The following PRRX2 variants were observed in gnomAD, a reference collection of about 807,000 sequenced individuals.
The protein encoded by PRRX2 is paired related homeobox 2.
Under a neutral mutation model 18.0 loss-of-function variants are expected in PRRX2, and 11 were observed. The observed-to-expected ratio is 0.61, with a 90% CI of 0.39 to 1.01. PRRX2 has a LOEUF of 1.01. Among genes scored for constraint, PRRX2 ranks in the 50% least tolerant of loss-of-function variants. PRRX2 has a pLI of 0.01. For missense variants in PRRX2, 387 were observed against 351.0 expected (o/e 1.10, Z -0.82); for synonymous variants, 177 against 154.8 (o/e 1.14, Z -1.06).
At chr9:129,701,747 T>A (rs145033554) in intron 1 of PRRX2, among the ~76,000 whole-genome samples, 1 of 152,248 alleles carries the variant, frequency 6.6e-6, no homozygotes, top group African/African-American at 2.4e-5. Context: ...ACAAAAAGTA[T>A]GCAAAGAATT....
intron 1 of PRRX2, among the ~76,000 whole-genome samples, chr9:129,676,143 C>T (rs574465158): frequency 2.3e-4 from 35 of 152,288 alleles, no homozygotes; most frequent in African/African-American, 8.2e-4. Flanking sequence ...TCTGTCCTTC[C>T]TCCTGCTCAG....
At chr9:129,689,407 A>C (rs186371364) in intron 1 of PRRX2, among the ~76,000 whole-genome samples, 25 of 152,084 alleles carry the variant, frequency 1.6e-4, no homozygotes, top group Non-Finnish European at 3.4e-4. Context: ...GCTCCACGCG[A>C]GTTAGTGGCA....
chr9:129,715,276 G>A lies in PRRX2; in HGVS notation c.260-3955G>A, dbSNP rs572304501. Among the ~76,000 whole-genome samples the A allele has an allele frequency of 1.2e-4, 18 of 152,252 alleles. No individual in the cohort carries two copies. Among genetic ancestry groups the A allele is most frequent in the African/African-American group, 3.4e-4 (14 of 41,544 alleles). ...ATTTTGGACAAGATAATTCATTGAC[G>A]TGGGGGCCTGTCCTGTGTCTTGAAA... On this transcript the variant is annotated intron_variant, in intron 1 of 3. Transcript: ENST00000372469. The surrounding 1 kb of genome is among the most constrained non-coding windows in gnomAD (Gnocchi z 4.0).
chr9:129,707,555 G>T (rs1175431926), intron 1 of PRRX2, among the ~76,000 whole-genome samples: 1 of 152,000 alleles, frequency 6.6e-6, no homozygotes, highest in Non-Finnish European at 1.5e-5. Context: ...GGAGGCCAAG[G>T]CTGGTCTGGT....
chr9:129,699,757 G>A (rs766325914), intron 1 of PRRX2, among the ~76,000 whole-genome samples: 3 of 152,176 alleles, frequency 2.0e-5, no homozygotes, highest in Non-Finnish European at 4.4e-5. Context: ...AAGCATCCAC[G>A]AAGGATGAAT....
rs186875546 is a variant in PRRX2, at chr9:129,681,181, G to T, written c.259+15055G>T. Among the ~76,000 whole-genome samples, 14 of 152,300 alleles carry T rather than the reference G, an allele frequency of 9.2e-5. 1 individual carries two copies. The East Asian group carries it at 2.7e-3, about 29-fold the overall frequency. ...CCTGGGAGAGCTGGTTTCAGTGCTG[G>T]CTCCTTTTCTGCCTAGGACACTGAG... On this transcript the variant is annotated intron_variant, in intron 1 of 3. Transcript: ENST00000372469.
At chr9:129,668,171 C>T (rs1434431906) in intron 1 of PRRX2, among the ~76,000 whole-genome samples, 2 of 152,172 alleles carry the variant, frequency 1.3e-5, no homozygotes, top group Non-Finnish European at 2.9e-5. Flanking sequence ...GCAGGGCAGG[C>T]GCCAGTTTCC....
At chr9:129,668,285 T>A (rs917427186) in intron 1 of PRRX2, among the ~76,000 whole-genome samples, 1 of 152,142 alleles carries the variant, frequency 6.6e-6, no homozygotes, top group Non-Finnish European at 1.5e-5. Context: ...TCTTTCCCCA[T>A]CATCGACCCT....
chr9:129,690,310 T>C (rs1380036987), intron 1 of PRRX2, among the ~76,000 whole-genome samples: 1 of 152,080 alleles, frequency 6.6e-6, no homozygotes, highest in Non-Finnish European at 1.5e-5. Context: ...ACAACTCACT[T>C]TAGAAAGGCC....
Position 129,719,127 on chromosome 9 carries a change from C to T in PRRX2, c.260-104C>T. ...GTGAATTAAAGGGACGCATTCCTGG[C>T]GGCGGCACTAAAGCACTCAGAGCAA... On this transcript the variant is annotated intron_variant, in intron 1 of 3. Transcript: ENST00000372469. 10 of 1,113,492 alleles carry T rather than the reference C, an allele frequency of 9.0e-6. No homozygotes were observed. In the South Asian group the frequency reaches 1.0e-4, roughly 12 times the overall value. The allele number at this position is 1,113,492 out of a possible 1,614,324, so 69.0% of individuals were successfully genotyped here. A position where few individuals can be genotyped will look rare whatever the true frequency, so the allele number is the denominator to read the frequency against.
intron 1 of PRRX2, among the ~76,000 whole-genome samples, chr9:129,707,878 C>T (rs1313657055): frequency 6.6e-6 from 1 of 152,084 alleles, no homozygotes; most frequent in Non-Finnish European, 1.5e-5. Context: ...TGCGTCTGTA[C>T]CTAAGAGTGG....
At chr9:129,687,188 G>C (rs562904374) in intron 1 of PRRX2, among the ~76,000 whole-genome samples, 1 of 152,190 alleles carries the variant, frequency 6.6e-6, no homozygotes, top group Admixed American at 6.5e-5. Context: ...AGGAGTTCAA[G>C]ACCAGCTTAG....
chr9:129,720,502 C>T, intron 2 of PRRX2, 94 bp from the exon 3 acceptor site: 1 of 1,264,726 alleles, frequency 7.9e-7, no homozygotes, highest in Non-Finnish European at 1.1e-6. Flanking sequence ...CGCTGCCAGC[C>T]CTGGGCTGGT....
At chr9:129,717,700 AAAAAAAAAAAAAAAG>A (rs1832728793) in intron 1 of PRRX2, among the ~76,000 whole-genome samples, 2 of 135,684 alleles carry the variant, frequency 1.5e-5, no homozygotes, top group African/African-American at 3.5e-5. Flanking sequence ...CGCCTCAAAA[AAAAAAAAAAAAAAAG>A]AAAAAGAAAA....
chr9:129,700,491 G>T (rs774068442), intron 1 of PRRX2, among the ~76,000 whole-genome samples: 2 of 151,968 alleles, frequency 1.3e-5, no homozygotes, highest in African/African-American at 4.8e-5. Flanking sequence ...CACCAAGCCC[G>T]GCTAATTTTT....
chr9:129,684,165 G>A (rs1359688593), intron 1 of PRRX2, among the ~76,000 whole-genome samples: 1 of 152,140 alleles, frequency 6.6e-6, no homozygotes, highest in Non-Finnish European at 1.5e-5. Flanking sequence ...GTTCTGCCAG[G>A]GTGAGGACAA....
rs991372330 is a variant in PRRX2 at position 129,675,768 on chromosome 9, C to T, written c.259+9642C>T. Among the ~76,000 whole-genome samples the T allele has an allele frequency of 7.2e-5, 11 of 152,232 alleles. No homozygotes were observed. Among genetic ancestry groups the T allele is most frequent in the African/African-American group, 2.7e-4 (11 of 41,464 alleles). Reference sequence around the variant, plus strand: ...TTACCACGCGGATGGCTGCAAACCTCGGAATCAAAGCGGGAGCCGCCAGGC... The same window carrying T: ...TTACCACGCGGATGGCTGCAAACCTTGGAATCAAAGCGGGAGCCGCCAGGC... On this transcript the variant is annotated intron_variant, in intron 1 of 3. Transcript: ENST00000372469. This position sits in a 1 kb window ranked among gnomAD's most constrained non-coding sequence, Gnocchi z 4.4.
chr9:129,694,541 G>A (rs1832397490), intron 1 of PRRX2, among the ~76,000 whole-genome samples: 1 of 152,194 alleles, frequency 6.6e-6, no homozygotes, highest in Non-Finnish European at 1.5e-5. Flanking sequence ...TGGGGAGAAG[G>A]TGAAGGGAGA....
intron 1 of PRRX2, among the ~76,000 whole-genome samples, chr9:129,703,744 C>T (rs976745728): frequency 3.3e-5 from 5 of 152,168 alleles, no homozygotes; most frequent in Non-Finnish European, 2.9e-5. Flanking sequence ...CGGTGAGGGG[C>T]GCGGCAGAAA....
Sources: allele counts gnomAD v4.1 joint callset (sites outside exome capture counted in the v4.1 genomes callset), GRCh38; gene constraint gnomAD v4.1.1; non-coding constraint Gnocchi (gnomAD v3.1); transcripts MANE v1.5; gene names NCBI Gene and HGNC (gene_info 2026-07-23, HGNC 2026-07-21).